Variants in PROSER1 observed in about 807,000 individuals in gnomAD.
PROSER1 encodes proline and serine-rich protein 1.
PROSER1 carries 36 observed loss-of-function variants against 71.8 expected under a neutral mutation model. That is an observed-to-expected ratio of 0.50 (90% CI 0.38 to 0.66). The LOEUF is 0.66. Ranked by LOEUF, PROSER1 falls within the 30% of genes least tolerant of loss-of-function variation. The pLI is 0.00. For missense variants in PROSER1, 1,107 were observed against 1,135.0 expected (o/e 0.98, Z 0.35); for synonymous variants, 490 against 452.4 (o/e 1.08, Z -1.06).
intron 5 of PROSER1, 64 bp from the exon 6 acceptor site, chr13:39,026,451 G>C: frequency 1.0e-6 from 1 of 970,818 alleles, no homozygotes; most frequent in Non-Finnish European, 1.6e-6. Flanking sequence ...TCTGAACATT[G>C]GGAGCTCAGC....
intron 11 of PROSER1, 118 bp from the exon 12 acceptor site, chr13:39,012,351 T>C (rs1430396539): frequency 3.6e-6 from 4 of 1,123,520 alleles, no homozygotes; most frequent in Non-Finnish European, 5.2e-6. Context: ...TTAGAATTTA[T>C]TCCTCTGTTG....
chr13:39,036,474 G>T (rs1009656116), intron 1 of PROSER1, among the ~76,000 whole-genome samples: 2 of 152,170 alleles, frequency 1.3e-5, no homozygotes, highest in Non-Finnish European at 2.9e-5. Context: ...GTGTGTTGAT[G>T]TAACAATGGT....
At chr13:39,033,106 G>A (rs1437240231) in intron 2 of PROSER1, among the ~76,000 whole-genome samples, 3 of 152,120 alleles carry the variant, frequency 2.0e-5, no homozygotes, top group Non-Finnish European at 4.4e-5. Context: ...TTTTTGTAGA[G>A]ATGGGGTTTT....
chr13:39,011,289 A>G lies in PROSER1; in HGVS notation c.*76T>C, dbSNP rs1593522536. ...CATTTTCCGACTTTTGGCCAGCTTC[A>G]CATTTGTCAGATTGTTCATTGCAGT... On this transcript the variant is annotated 3_prime_UTR_variant, in exon 13 of 13. Transcript: ENST00000352251. 3 of 1,468,528 alleles carry G rather than the reference A, an allele frequency of 2.0e-6. No homozygotes were observed. Among genetic ancestry groups the G allele is most frequent in the Non-Finnish European group, 1.9e-6 (2 of 1,069,090 alleles). 91.0% of individuals were successfully genotyped at this position (1,468,528 alleles called of 1,614,324 possible). A position where few individuals can be genotyped will look rare whatever the true frequency, so the allele number is the denominator to read the frequency against.
chr13:39,035,569 A>T (rs1871061473), intron 1 of PROSER1, among the ~76,000 whole-genome samples: 3 of 152,206 alleles, frequency 2.0e-5, no homozygotes, highest in Non-Finnish European at 4.4e-5. Flanking sequence ...GTGCTCACTA[A>T]TTAATAGCTA....
intron 3 of PROSER1, among the ~76,000 whole-genome samples, chr13:39,030,725 C>A (rs1038882018): frequency 2.6e-4 from 39 of 152,096 alleles, no homozygotes; most frequent in African/African-American, 8.0e-4. Context: ...CCACCCCAAG[C>A]CCCTTATCAA....
chr13:39,031,443 A>G (rs1475343518), intron 3 of PROSER1, 120 bp downstream of exon 3: 6 of 739,460 alleles, frequency 8.1e-6, no homozygotes, highest in African/African-American at 1.8e-5. Flanking sequence ...TCAAAGTACA[A>G]TAACACATAG....
Position 39,012,390 on chromosome 13 carries a change from G to T in PROSER1, c.2562-157C>A, listed in dbSNP as rs1869707056. On this transcript the variant is annotated intron_variant, in intron 11 of 12. Coordinates refer to ENST00000352251, the MANE Select transcript of PROSER1 (RefSeq NM_025138.5). ...GGACCATAAAAATCAGCCATTCCCT[G>T]ATATGAATCTTTCTACTGTGAAGTA... The T allele has an allele frequency of 1.9e-5, 15 of 782,338 alleles. 1 individual carries two copies. In the South Asian group the frequency reaches 2.6e-4, roughly 14 times the overall value. 48.5% of individuals were successfully genotyped at this position (782,338 alleles called of 1,614,324 possible).
chr13:39,022,904 C>G (rs1404462307), intron 8 of PROSER1, 148 bp downstream of exon 8: 4 of 610,718 alleles, frequency 6.5e-6, no homozygotes, highest in South Asian at 2.1e-5. Flanking sequence ...GGCCAGGACA[C>G]TACTAGCTAA....
In PROSER1 at chr13:39,012,873, G is replaced by A. The variant is rs374708257; in HGVS notation, c.2379C>T (p.Val793=). The change falls in exon 11 of 13, where the codon GTC becomes GTT. Residue 793 remains valine, a synonymous_variant. Coordinates refer to ENST00000352251, the MANE Select transcript of PROSER1 (RefSeq NM_025138.5). ...SSNPSYPGFS[V]SNTPSVTPAL... ...CAGGGGTAACGCTTGGGGTATTAGAGACAGAAAAGCCTGGATAGGAGGGAT... is the reference window on the plus strand; with the variant it reads ...CAGGGGTAACGCTTGGGGTATTAGAAACAGAAAAGCCTGGATAGGAGGGAT... 4 of 1,614,188 alleles carry A rather than the reference G, an allele frequency of 2.5e-6. No individual in the cohort carries two copies. The highest frequency in any genetic ancestry group is 3.4e-6 in the Non-Finnish European group (4 of 1,180,014).
At chr13:39,031,362 C>T (rs570393322) in intron 3 of PROSER1, among the ~76,000 whole-genome samples, 3 of 152,252 alleles carry the variant, frequency 2.0e-5, no homozygotes, top group South Asian at 2.1e-4. Flanking sequence ...ACTTGCCAAT[C>T]GGGACACTGT....
intron 6 of PROSER1, among the ~76,000 whole-genome samples, chr13:39,025,931 G>C (rs1363738027): frequency 6.6e-6 from 1 of 152,128 alleles, no homozygotes; most frequent in Admixed American, 6.5e-5. Flanking sequence ...GATTCCCCAG[G>C]AAGGAAACAC....
At chr13:39,016,955 A>G (rs1229137873) in intron 10 of PROSER1, among the ~76,000 whole-genome samples, 1 of 152,178 alleles carries the variant, frequency 6.6e-6, no homozygotes, top group Non-Finnish European at 1.5e-5. Context: ...ACAGATCATC[A>G]CCTAGGGGAA....
At position 39,037,245 on chromosome 13, in the gene PROSER1, TGAC is replaced by T; in HGVS notation, c.-6_-4del. On this transcript the variant is annotated 5_prime_UTR_variant, in exon 1 of 13. Coordinates refer to ENST00000352251, the MANE Select transcript of PROSER1 (RefSeq NM_025138.5). ...ATTTCAAAGGACTTTTTATCCATCT[TGAC>T]TACTATCCCGACGTGGTTTTAACAG... The T allele has an allele frequency of 6.2e-7, 1 of 1,608,592 alleles. No individual in the cohort carries two copies. Among genetic ancestry groups the T allele is most frequent in the Non-Finnish European group, 8.5e-7 (1 of 1,174,942 alleles).
At position 39,010,088 on chromosome 13, in the gene PROSER1, TTAACTC is replaced by T. The variant is rs1354701694; in HGVS notation, c.*1271_*1276del. The T allele has an allele frequency of 1.7e-4, 26 of 152,732 alleles. 1 individual carries two copies. The highest frequency in any genetic ancestry group is 5.3e-4 in the African/African-American group (22 of 41,560). The allele number at this position is 152,732 out of a possible 1,614,324, so 9.5% of individuals were successfully genotyped here. On this transcript the variant is annotated 3_prime_UTR_variant, in exon 13 of 13. Coordinates refer to ENST00000352251, the MANE Select transcript of PROSER1 (RefSeq NM_025138.5). ...AAATTTGGATAAAAATGTTCAATAATTAACTCTAGCACGTATACAAAATTAGAAAGC... is the reference window on the plus strand; with the variant it reads ...AAATTTGGATAAAAATGTTCAATAATTAGCACGTATACAAAATTAGAAAGC...
rs748555019 is a variant in PROSER1, at chr13:39,012,987, T to C, written c.2265A>G (p.Ala755=). The C allele has an allele frequency of 6.2e-7, 1 of 1,614,050 alleles. No homozygotes were observed. The highest frequency in any genetic ancestry group is 2.2e-5 in the East Asian group (1 of 44,874). ...GGGGGAAAGGTGCTGCTGAGACTGG[T>C]GCTGAAGCAGAAAGCCCTGAGAGAA... The part of the protein sequence containing the change: ...AAVLSGLSAS[A]PVSAAPFPLN... The change falls in exon 11 of 13, where the codon GCA becomes GCG. Residue 755 remains alanine, a synonymous_variant. Transcript: ENST00000352251.
At position 39,013,891 on chromosome 13, in the gene PROSER1, G is replaced by A. The variant is rs1439416822; in HGVS notation, c.1361C>T (p.Ser454Phe). The A allele has an allele frequency of 3.1e-6, 5 of 1,614,102 alleles. No individual in the cohort carries two copies. The highest frequency in any genetic ancestry group is 4.2e-6 in the Non-Finnish European group (5 of 1,180,038). Residue 454 changes from serine (S) to phenylalanine (F), a missense_variant, in exon 11 of 13, where the codon TCT (serine) becomes TTT (phenylalanine). Coordinates refer to ENST00000352251, the MANE Select transcript of PROSER1 (RefSeq NM_025138.5). ...AAGTGGACCGGCAACGCTGGGAGTAGAGCCACCAGCAATTACAGGAGTCGG... is the reference window on the plus strand; with the variant it reads ...AAGTGGACCGGCAACGCTGGGAGTAAAGCCACCAGCAATTACAGGAGTCGG... ...SNPTPVIAGG[S>F]TPSVAGPLGV...
At chr13:39,027,054 CTATAT>C (rs140799267) in intron 5 of PROSER1, among the ~76,000 whole-genome samples, 3,507 of 151,942 alleles carry the variant, frequency 0.023, 129 homozygotes, top group African/African-American at 0.072. Context: ...TCCAATGTAT[CTATAT>C]TATGTTATAG....
At position 39,013,197 on chromosome 13, in the gene PROSER1, A is replaced by C. The variant is rs1869774743; in HGVS notation, c.2055T>G (p.Gly685=). The C allele has an allele frequency of 1.2e-6, 2 of 1,614,076 alleles. No individual in the cohort carries two copies. Among genetic ancestry groups the C allele is most frequent in the Non-Finnish European group, 1.7e-6 (2 of 1,179,992 alleles). ...ATACTGGTGCAATGGGAGTGGAGGA[A>C]CCATGTGGTGGAAGGGAAATAGAGG... The part of the protein sequence containing the change: ...PLSSISLPPH[G]SSTPIAPVFT... Residue 685 remains glycine (G), a synonymous_variant, in exon 11 of 13, where the codon GGT becomes GGG. Coordinates refer to ENST00000352251, the MANE Select transcript of PROSER1 (RefSeq NM_025138.5).
Sources: allele counts gnomAD v4.1 joint callset (sites outside exome capture counted in the v4.1 genomes callset), GRCh38; gene constraint gnomAD v4.1.1; transcripts MANE v1.5; gene names NCBI Gene and HGNC (gene_info 2026-07-23, HGNC 2026-07-21).